Variants in CELF2 observed in about 807,000 individuals in gnomAD.
The protein encoded by CELF2 is CUGBP Elav-like family member 2, also known as CUG triplet repeat RNA-binding protein 2.
In CELF2, 8 loss-of-function variants were observed where a neutral mutation model predicts 62.6. The observed-to-expected ratio is 0.13, with a 90% CI of 0.07 to 0.23. The LOEUF (loss-of-function observed/expected upper bound fraction) is 0.23, where lower values mean the gene tolerates loss of function less well. Ranked by LOEUF, CELF2 falls within the 10% of genes least tolerant of loss-of-function variation. CELF2 has a pLI of 1.00. For missense variants in CELF2, 333 were observed against 671.0 expected, an observed-to-expected ratio of 0.50 and a Z score of 5.56; for synonymous variants, 258 against 250.0, an observed-to-expected ratio of 1.03 and a Z score of -0.30.
intron 2 of CELF2, among the ~76,000 whole-genome samples, chr10:11,197,083 G>GAAAGAAGAAAGAAAGA (rs1554936937): frequency 2.2e-4 from 25 of 114,810 alleles, no homozygotes; most frequent in African/African-American, 8.4e-4. Context: ...AAGAAAGAAA[G>GAAAGAAGAAAGAAAGA]AAGAAAGAAA....
chr10:11,148,129 G>GT (rs767510061), intron 1 of CELF2, among the ~76,000 whole-genome samples: 3 of 152,236 alleles, frequency 2.0e-5, no homozygotes, highest in Non-Finnish European at 2.9e-5. Flanking sequence ...GGGCTCCTCT[G>GT]TTTTTTCTAA....
At chr10:11,279,218 T>TTCTGA in intron 8 of CELF2, among the ~76,000 whole-genome samples, 1 of 152,302 alleles carries the variant, frequency 6.6e-6, no homozygotes, top group East Asian at 1.9e-4. Flanking sequence ...TTCGTTTCAA[T>TTCTGA]TCTGATTCTG....
chr10:11,193,698 C>T (rs796509037), intron 2 of CELF2, among the ~76,000 whole-genome samples: 34 of 152,228 alleles, frequency 2.2e-4, no homozygotes, highest in African/African-American at 7.7e-4. Flanking sequence ...ATATAGGTTT[C>T]GTAGTGAGAA....
chr10:11,238,875 A>T (rs771781750), intron 3 of CELF2, among the ~76,000 whole-genome samples: 1 of 152,144 alleles, frequency 6.6e-6, no homozygotes, highest in Non-Finnish European at 1.5e-5. Context: ...TTTTCTTCTA[A>T]TTTTAACATT....
At chr10:11,253,782 C>T (rs1365665363) in intron 4 of CELF2, among the ~76,000 whole-genome samples, 1 of 152,108 alleles carries the variant, frequency 6.6e-6, no homozygotes, top group African/African-American at 2.4e-5. Flanking sequence ...TGTGGAACCC[C>T]TTTTGATTCT....
intron 1 of CELF2, among the ~76,000 whole-genome samples, chr10:10,842,961 T>C (rs753025297): frequency 2.6e-5 from 4 of 152,078 alleles, no homozygotes; most frequent in Non-Finnish European, 4.4e-5. Context: ...GGTTACTTAT[T>C]AATTTCTTTA....
the CELF2 span, among the ~76,000 whole-genome samples, chr10:10,660,889 C>T: frequency 1.3e-5 from 2 of 152,148 alleles, no homozygotes; most frequent in Admixed American, 6.5e-5. Context: ...TTCTACAGAA[C>T]GAACACACAG....
rs895769094 is a variant in CELF2 at position 11,159,730 on chromosome 10, C to T, written c.75-5756C>T. Among the ~76,000 whole-genome samples, 4 of 152,242 alleles carry T rather than the reference C, an allele frequency of 2.6e-5. No individual in the cohort carries two copies. The stretch of plus-strand genomic sequence containing the variant: ...CCCGCCGGAGGCACCAGGCCCATCG[C>T]CAGGTTCTTTCTGCTTTTGCCTTAA... On this transcript the variant is annotated intron_variant, in intron 1 of 12. Coordinates refer to ENST00000633077, the MANE Select transcript of CELF2 (RefSeq NM_001326342.2). This position sits in a 1 kb window ranked among gnomAD's most constrained non-coding sequence, Gnocchi z 5.0.
At chr10:11,124,543 G>A (rs1168299678) in intron 1 of CELF2, among the ~76,000 whole-genome samples, 1 of 152,156 alleles carries the variant, frequency 6.6e-6, no homozygotes, top group African/African-American at 2.4e-5. Flanking sequence ...AACATGAAAT[G>A]GCAATGTTTT....
rs79728648 is a variant in CELF2, at chr10:11,062,219, C to T, written c.74+44056C>T. Among the ~76,000 whole-genome samples, 1,146 of 152,320 alleles carry T rather than the reference C, an allele frequency of 7.5e-3. 9 individuals carry two copies. Among genetic ancestry groups the T allele is most frequent in the African/African-American group, 0.025 (1,027 of 41,570 alleles). On this transcript the variant is annotated intron_variant, in intron 1 of 12. Transcript: ENST00000633077. Reference sequence around the variant, plus strand: ...ATGTACCTTGTCATCCAAGAGCTTTCGTGGAGATGTACAAAGAGATTAATG... The same window carrying T: ...ATGTACCTTGTCATCCAAGAGCTTTTGTGGAGATGTACAAAGAGATTAATG...
chr10:11,266,280 A>G (rs895343034), intron 5 of CELF2, among the ~76,000 whole-genome samples: 2 of 152,220 alleles, frequency 1.3e-5, no homozygotes, highest in African/African-American at 2.4e-5. Flanking sequence ...TTTATTTTAG[A>G]AAATGCAAAC....
At chr10:11,134,276 C>T (rs560079440) in intron 1 of CELF2, among the ~76,000 whole-genome samples, 31 of 152,236 alleles carry the variant, frequency 2.0e-4, no homozygotes, top group Non-Finnish European at 4.4e-4. Flanking sequence ...GGCCTCTCCC[C>T]GTGTTTTGTG....
At chr10:10,622,621 C>A in the CELF2 span, among the ~76,000 whole-genome samples, 12 of 152,022 alleles carry the variant, frequency 7.9e-5, no homozygotes, top group Non-Finnish European at 1.5e-4. Context: ...TACCATTGCA[C>A]TCCAGCCTGG....
At chr10:11,276,904 C>T (rs1041556003) in intron 8 of CELF2, among the ~76,000 whole-genome samples, 2 of 152,204 alleles carry the variant, frequency 1.3e-5, no homozygotes, top group African/African-American at 4.8e-5. Flanking sequence ...TACAAGGTGC[C>T]GAGGAGCAGA....
chr10:11,041,913 AT>A (rs2139524978), intron 1 of CELF2, among the ~76,000 whole-genome samples: 1 of 152,350 alleles, frequency 6.6e-6, no homozygotes, highest in African/African-American at 2.4e-5. Flanking sequence ...TTCTTTCTAG[AT>A]TACTGTGATT....
In CELF2 at chr10:10,887,388, C is replaced by T. The variant is rs1227047088; in HGVS notation, c.54-32576C>T. On this transcript the variant is annotated intron_variant, in intron 1 of 13. Coordinates refer to the CELF2 transcript ENST00000636488. ...GAAAAATGTGGCTGCTGATAAATCT[C>T]ATGTGATAAGAGCTGTGTTATGTAA... Among the ~76,000 whole-genome samples, 3 of 152,302 alleles carry T rather than the reference C, an allele frequency of 2.0e-5. No individual in the cohort carries two copies. In the East Asian group the frequency reaches 5.8e-4, roughly 29 times the overall value.
the CELF2 span, among the ~76,000 whole-genome samples, chr10:10,657,134 G>A: frequency 5.3e-5 from 8 of 152,196 alleles, no homozygotes; most frequent in East Asian, 1.5e-3. Context: ...ATTTGGTTAA[G>A]TTAAAGAAGA....
chr10:11,252,749 C>T (rs1283251430), intron 4 of CELF2, among the ~76,000 whole-genome samples: 1 of 152,166 alleles, frequency 6.6e-6, no homozygotes, highest in Admixed American at 6.5e-5. Context: ...TCCACGTGCT[C>T]CCACAGAGCC....
Position 11,005,543 on chromosome 10 carries a change from A to G in CELF2, c.53+103A>G. Reference sequence around the variant, plus strand: ...AATCAAGTAGCTTCCTTACCTTAGAAGAGAAGGGGGGAAAAAGAATCTAAA... The same window carrying G: ...AATCAAGTAGCTTCCTTACCTTAGAGGAGAAGGGGGGAAAAAGAATCTAAA... On this transcript the variant is annotated intron_variant, in intron 1 of 12. Coordinates refer to the CELF2 transcript ENST00000416382. The surrounding 1 kb of genome is among the most constrained non-coding windows in gnomAD (Gnocchi z 4.3). 1 of 1,546,718 alleles carries G rather than the reference A, an allele frequency of 6.5e-7. No individual in the cohort carries two copies. Among genetic ancestry groups the G allele is most frequent in the East Asian group, 2.2e-5 (1 of 44,524 alleles).
Sources: allele counts gnomAD v4.1 joint callset (sites outside exome capture counted in the v4.1 genomes callset), GRCh38; gene constraint gnomAD v4.1.1; non-coding constraint Gnocchi (gnomAD v3.1); transcripts MANE v1.5; gene names NCBI Gene and HGNC (gene_info 2026-07-23, HGNC 2026-07-21).